Variants in ZNF804B observed in about 807,000 individuals in gnomAD.
ZNF804B encodes zinc finger 804B.
Under a neutral mutation model 101.4 loss-of-function variants are expected in ZNF804B, and 80 were observed. The observed-to-expected ratio is 0.79, with a 90% CI of 0.66 to 0.95. ZNF804B has a LOEUF of 0.95. ZNF804B is among the 40% of genes least tolerant of loss of function. The pLI is 0.00. For synonymous variants in ZNF804B, 622 were observed against 558.8 expected, an observed-to-expected ratio of 1.11 and a Z score of -1.59; for missense variants, 1,673 against 1,561.9, an observed-to-expected ratio of 1.07 and a Z score of -1.20.
chr7:89,033,330 T>A (rs1788869558), intron 1 of ZNF804B, among the ~76,000 whole-genome samples: 1 of 152,202 alleles, frequency 6.6e-6, no homozygotes, highest in Non-Finnish European at 1.5e-5. Context: ...CAGTCATGTG[T>A]ACATATTTCA....
At chr7:89,324,365 C>T (rs1037467994) in intron 2 of ZNF804B, among the ~76,000 whole-genome samples, 13 of 151,764 alleles carry the variant, frequency 8.6e-5, no homozygotes, top group African/African-American at 3.1e-4. Context: ...TTTCTTTTGA[C>T]AAGTGTTGAC....
intron 1 of ZNF804B, among the ~76,000 whole-genome samples, chr7:89,200,355 C>T (rs962725415): frequency 3.3e-5 from 5 of 151,956 alleles, no homozygotes; most frequent in Non-Finnish European, 7.4e-5. Context: ...GAGTTTAATA[C>T]ATAGTTGGTG....
chr7:88,776,565 T>TTTG (rs1790144160), intron 1 of ZNF804B, among the ~76,000 whole-genome samples: 2 of 142,942 alleles, frequency 1.4e-5, no homozygotes, highest in South Asian at 2.2e-4. Flanking sequence ...GTTTTGTTTT[T>TTTG]TTTTTTTTTT....
chr7:89,061,769 TATC>T (rs1340992337), intron 1 of ZNF804B, among the ~76,000 whole-genome samples: 1 of 152,118 alleles, frequency 6.6e-6, no homozygotes, highest in Non-Finnish European at 1.5e-5. Flanking sequence ...TGATCACATT[TATC>T]ATTATTAATA....
chr7:88,955,839 G>A (rs547023808), intron 1 of ZNF804B, among the ~76,000 whole-genome samples: 14 of 151,642 alleles, frequency 9.2e-5, no homozygotes, highest in East Asian at 2.0e-4. Context: ...GAAAATATTC[G>A]CAAACTACTC....
intron 1 of ZNF804B, among the ~76,000 whole-genome samples, chr7:88,983,056 C>G (rs1019406558): frequency 6.6e-6 from 1 of 152,050 alleles, no homozygotes; most frequent in African/African-American, 2.4e-5. Context: ...AATTCTCTCA[C>G]CCCACTCTCA....
At chr7:88,820,872 TGAAGAGA>T (rs1790967267) in intron 1 of ZNF804B, among the ~76,000 whole-genome samples, 1 of 152,168 alleles carries the variant, frequency 6.6e-6, no homozygotes, top group African/African-American at 2.4e-5. Context: ...CCCTCAGCAT[TGAAGAGA>T]GAAGGGAGGG....
At chr7:89,113,647 T>C (rs184243921) in intron 1 of ZNF804B, among the ~76,000 whole-genome samples, 2 of 152,084 alleles carry the variant, frequency 1.3e-5, no homozygotes, top group East Asian at 3.9e-4. Flanking sequence ...AAATAACTAG[T>C]TCAAAATTGA....
chr7:89,280,773 A>C (rs896159207), intron 2 of ZNF804B, among the ~76,000 whole-genome samples: 1 of 152,260 alleles, frequency 6.6e-6, no homozygotes, highest in Non-Finnish European at 1.5e-5. Context: ...ATGGCTTACC[A>C]ATCAAAAAGA....
At chr7:89,325,813 T>C (rs1226620444) in intron 2 of ZNF804B, among the ~76,000 whole-genome samples, 3 of 151,990 alleles carry the variant, frequency 2.0e-5, no homozygotes, top group African/African-American at 7.2e-5. Flanking sequence ...TCTCCTTTTT[T>C]TCCAAAATAG....
Position 88,898,119 on chromosome 7 carries a change from C to T in ZNF804B, c.108+138035C>T, listed in dbSNP as rs1265624297. Among the ~76,000 whole-genome samples, 5 of 109,018 alleles carry T rather than the reference C, an allele frequency of 4.6e-5. No individual in the cohort carries two copies. The Admixed American group carries it at 6.6e-4, about 14-fold the overall frequency. 71.5% of individuals were successfully genotyped at this position (109,018 alleles called of 152,430 possible). ...TTTTTTTTTTTGAGATAGAGTCTCA[C>T]TCTGTAGCCCAGGCTCTAGTGCAAT... On this transcript the variant is annotated intron_variant, in intron 1 of 3. Coordinates refer to ENST00000333190, the MANE Select transcript of ZNF804B (RefSeq NM_181646.5).
intron 1 of ZNF804B, among the ~76,000 whole-genome samples, chr7:88,768,922 TA>T (rs1790023392): frequency 6.6e-6 from 1 of 152,226 alleles, no homozygotes; most frequent in East Asian, 1.9e-4. Context: ...AGTAATTTTA[TA>T]ACTTCTCTTA....
At chr7:88,766,399 CA>C (rs1329731138) in intron 1 of ZNF804B, among the ~76,000 whole-genome samples, 2 of 152,190 alleles carry the variant, frequency 1.3e-5, no homozygotes, top group Non-Finnish European at 2.9e-5. Flanking sequence ...AGATGACACT[CA>C]GATAACATGT....
At chr7:89,233,622 G>A (rs989117600) in intron 2 of ZNF804B, among the ~76,000 whole-genome samples, 13 of 152,096 alleles carry the variant, frequency 8.5e-5, no homozygotes, top group African/African-American at 3.1e-4. Context: ...CACTGAAAAA[G>A]AGAGCTAACT....
At chr7:89,047,584 C>T (rs1789130075) in intron 1 of ZNF804B, among the ~76,000 whole-genome samples, 1 of 152,116 alleles carries the variant, frequency 6.6e-6, no homozygotes, top group Non-Finnish European at 1.5e-5. Flanking sequence ...GTAATTTATG[C>T]TGAATGAGGT....
At chr7:89,305,388 A>G (rs2115931062) in intron 2 of ZNF804B, among the ~76,000 whole-genome samples, 1 of 152,114 alleles carries the variant, frequency 6.6e-6, no homozygotes, top group East Asian at 1.9e-4. Flanking sequence ...TTCTGAGATC[A>G]AGAAATTACT....
At chr7:89,295,503 T>C (rs1248587190) in intron 2 of ZNF804B, among the ~76,000 whole-genome samples, 2 of 152,184 alleles carry the variant, frequency 1.3e-5, no homozygotes, top group African/African-American at 2.4e-5. Context: ...TTTGTTTCCA[T>C]CAGTTTCTCT....
At chr7:89,274,796 C>T (rs1451171894) in intron 2 of ZNF804B, among the ~76,000 whole-genome samples, 1 of 151,858 alleles carries the variant, frequency 6.6e-6, no homozygotes, top group African/African-American at 2.4e-5. Context: ...CCTTGTAGGA[C>T]ATCACTCTAC....
At chr7:89,195,882 C>T (rs962635120) in intron 1 of ZNF804B, among the ~76,000 whole-genome samples, 6 of 66,446 alleles carry the variant, frequency 9.0e-5, no homozygotes, top group Admixed American at 7.5e-4. Context: ...GAACTATAAA[C>T]CACTGCTCAA....
Sources: allele counts gnomAD v4.1 joint callset (sites outside exome capture counted in the v4.1 genomes callset), GRCh38; gene constraint gnomAD v4.1.1; transcripts MANE v1.5; gene names NCBI Gene and HGNC (gene_info 2026-07-23, HGNC 2026-07-21).